ZNF558: variants seen among roughly 807,000 people sequenced by gnomAD.
ZNF558 encodes zinc finger protein 558.
Under a neutral mutation model 37.6 loss-of-function variants are expected in ZNF558, and 23 were observed. That is an observed-to-expected ratio of 0.61 (90% CI 0.44 to 0.87). The LOEUF is 0.87. Among genes scored for constraint, ZNF558 ranks in the 40% least tolerant of loss-of-function variants. ZNF558 has a pLI of 0.00. For synonymous variants in ZNF558, 189 were observed against 174.4 expected (o/e 1.08, Z -0.66); for missense variants, 429 against 483.7 (o/e 0.89, Z 1.06).
intron 9 of ZNF558, 21 bp downstream of exon 9, chr19:8,812,540 A>C (rs1300032529): frequency 6.7e-7 from 1 of 1,498,110 alleles, no homozygotes. Flanking sequence ...GAAAACCAGA[A>C]ATCACCCATG....
intron 4 of ZNF558, chr19:8,823,027 C>CT (rs2036700240): frequency 3.7e-6 from 1 of 269,474 alleles, no homozygotes. Context: ...TTCCCGGCTA[C>CT]TCCCTCCTTC....
chr19:8,821,050 A>G lies in ZNF558; in HGVS notation c.247+130T>C. On this transcript the variant is annotated intron_variant, in intron 7 of 9. Transcript: ENST00000601372. ...AATGTATGAAAAACCACTGGACTGG[A>G]TATCTTAGAATGGTTAAAAATGGTG... is the stretch of plus-strand genomic sequence containing the variant. 6 of 1,369,014 alleles carry G rather than the reference A, an allele frequency of 4.4e-6. No homozygotes were observed. The South Asian group carries it at 9.0e-5, about 21-fold the overall frequency. The allele number at this position is 1,369,014 out of a possible 1,614,324, so 84.8% of individuals were successfully genotyped here.
rs367716520 is a variant in ZNF558, at chr19:8,809,432, ATGTT to A, written c.*1845_*1848del. On this transcript the variant is annotated 3_prime_UTR_variant, in exon 10 of 10. Coordinates refer to ENST00000601372, the MANE Select transcript of ZNF558 (RefSeq NM_144693.3). ...ATTGTTCACAGACAACTTGAACAACATGTTTGTTTCTTTAAACGAATAAACTGAA... is the reference window on the plus strand; with the variant it reads ...ATTGTTCACAGACAACTTGAACAACATGTTTCTTTAAACGAATAAACTGAA... The A allele has an allele frequency of 9.7e-4, 147 of 152,328 alleles. No individual in the cohort carries two copies. Among genetic ancestry groups the A allele is most frequent in the African/African-American group, 3.5e-3 (145 of 41,578 alleles). The allele number at this position is 152,328 out of a possible 1,614,324, so 9.4% of individuals were successfully genotyped here. A position where few individuals can be genotyped will look rare whatever the true frequency, so the allele number is the denominator to read the frequency against.
chr19:8,821,683 T>G, intron 6 of ZNF558: 1 of 1,304,506 alleles, frequency 7.7e-7, no homozygotes, highest in Middle Eastern at 3.0e-4. Context: ...AGAGAAATAC[T>G]TGGTAAGTGA....
In ZNF558 at chr19:8,806,247, G is replaced by A. The variant is rs771135639; in HGVS notation, c.*5034C>T. ...AAACTATACAGGGTTGTTTTATACA[G>A]TCAGTACTGATTTATATTTACTTGC... On this transcript the variant is annotated 3_prime_UTR_variant, in exon 10 of 10. Transcript: ENST00000601372. 2.6e-5 allele frequency: 4 copies of A among 152,162 alleles called. No homozygotes were observed. The highest frequency in any genetic ancestry group is 5.9e-5 in the Non-Finnish European group (4 of 68,034). The allele number at this position is 152,162 out of a possible 1,614,324, so 9.4% of individuals were successfully genotyped here.
chr19:8,829,191 C>T (rs2967736), intron 2 of ZNF558, among the ~76,000 whole-genome samples: 12 of 151,646 alleles, frequency 7.9e-5, no homozygotes, highest in Non-Finnish European at 1.6e-4. Context: ...CCCGGGAGGC[C>T]GGGGGTTGCA....
rs75296068 is a variant in ZNF558 at position 8,824,042 on chromosome 19, C to T, written c.-66+40G>A. ...CGATCCCAGCCTCCCGGTGCTCACA[C>T]CCTGTGTAGGCCCGACGCACACACG... On this transcript the variant is annotated intron_variant, in intron 4 of 9. Transcript: ENST00000601372. The T allele has an allele frequency of 3.4e-3, 524 of 152,900 alleles. 7 individuals are homozygous for T. The highest frequency in any genetic ancestry group is 0.012 in the African/African-American group (479 of 41,580). 9.5% of individuals were successfully genotyped at this position (152,900 alleles called of 1,614,324 possible).
upstream of ZNF558, among the ~76,000 whole-genome samples, chr19:8,836,411 CCTT>C (rs1474985934): frequency 2.0e-5 from 3 of 151,188 alleles, no homozygotes; most frequent in East Asian, 3.9e-4. Context: ...TTGTCCTCCT[CCTT>C]CTTCTTTCTT....
intron 2 of ZNF558, among the ~76,000 whole-genome samples, chr19:8,830,266 T>C (rs997418248): frequency 2.0e-5 from 3 of 152,188 alleles, no homozygotes; most frequent in Non-Finnish European, 2.9e-5. Context: ...TAAACTTCTT[T>C]CCTTTGTAAG....
At chr19:8,834,183 C>A (rs1471261577), upstream of ZNF558, among the ~76,000 whole-genome samples, 1 of 152,162 alleles carries the variant, frequency 6.6e-6, no homozygotes, top group East Asian at 1.9e-4. Flanking sequence ...CAAAAATATC[C>A]ATTTTCAGGT....
chr19:8,814,209 A>G (rs1555769486), intron 7 of ZNF558, among the ~76,000 whole-genome samples: 1 of 152,262 alleles, frequency 6.6e-6, no homozygotes, highest in Non-Finnish European at 1.5e-5. Flanking sequence ...TTTTTCTACA[A>G]CCTTGAAGAC....
At chr19:8,812,530 G>C (rs533974340) in intron 9 of ZNF558, 31 bp downstream of exon 9, 2 of 1,463,976 alleles carry the variant, frequency 1.4e-6, no homozygotes, top group South Asian at 2.8e-5. Flanking sequence ...TCCTACTGTA[G>C]AAAACCAGAA....
chr19:8,822,870 A>T lies in ZNF558; in HGVS notation c.-65-146T>A. 2.7e-6 allele frequency: 2 copies of T among 727,798 alleles called. No homozygotes were observed. Among genetic ancestry groups the T allele is most frequent in the East Asian group, 5.6e-5 (2 of 35,922 alleles). The allele number at this position is 727,798 out of a possible 1,614,324, so 45.1% of individuals were successfully genotyped here. A position where few individuals can be genotyped will look rare whatever the true frequency, so the allele number is the denominator to read the frequency against. ...TGGGCCTTTATTTTGCTGAGCAGGC[A>T]ATGAATTCAGGGCCACCTGATGGAA... On this transcript the variant is annotated intron_variant, in intron 4 of 9. Coordinates refer to ENST00000601372, the MANE Select transcript of ZNF558 (RefSeq NM_144693.3). The surrounding 1 kb of genome is among the most constrained non-coding windows in gnomAD (Gnocchi z 4.4).
At chr19:8,819,794 AG>A (rs2044036014) in intron 7 of ZNF558, among the ~76,000 whole-genome samples, 1 of 152,114 alleles carries the variant, frequency 6.6e-6, no homozygotes, top group Admixed American at 6.5e-5. Context: ...AAAACAATTT[AG>A]CCAGGCATGG....
In ZNF558 at chr19:8,812,605, T is replaced by C. The variant is rs782757107; in HGVS notation, c.382A>G (p.Lys128Glu). Residue 128 changes from lysine (K) to glutamate (E), a missense_variant, in exon 9 of 10, where the codon AAG becomes GAG. Coordinates refer to ENST00000601372, the MANE Select transcript of ZNF558 (RefSeq NM_144693.3). ...TLLKAKWLTP[K>E]KNVFRKEQSK... ...TGTTCTTTTCTGAAAACATTCTTCT[T>C]AGGAGTTAACCATTTGGCTTTAAGT... The C allele has an allele frequency of 5.6e-6, 9 of 1,604,684 alleles. No homozygotes were observed. The highest frequency in any genetic ancestry group is 2.3e-5 in the South Asian group (2 of 88,520).
rs117543550 is a variant in ZNF558 at position 8,828,689 on chromosome 19, C to T, written c.-509+2629G>A. On this transcript the variant is annotated intron_variant, in intron 2 of 9. Transcript: ENST00000601372. ...TCAGAAATCCTTGCCTAGCCGGGCA[C>T]GGTGGCTCATGTCTGTAATCCCAGC... Among the ~76,000 whole-genome samples the T allele has an allele frequency of 1.8e-3, 281 of 152,266 alleles. 4 individuals carry two copies. In the East Asian group the frequency reaches 0.051, roughly 28 times the overall value.
At position 8,811,107 on chromosome 19, in the gene ZNF558, C is replaced by T. The variant is rs1222001747; in HGVS notation, c.*174G>A. On this transcript the variant is annotated 3_prime_UTR_variant, in exon 10 of 10. Coordinates refer to ENST00000601372, the MANE Select transcript of ZNF558 (RefSeq NM_144693.3). ...TACAGAGATAAGCTGTTCTTGAATT[C>T]CTGATCTGTAGAAATTGTTAGAGAA... 4 of 601,784 alleles carry T rather than the reference C, an allele frequency of 6.6e-6. No homozygotes were observed. The highest frequency in any genetic ancestry group is 5.6e-5 in the African/African-American group (3 of 53,768). The allele number at this position is 601,784 out of a possible 1,614,324, so 37.3% of individuals were successfully genotyped here.
intron 1 of ZNF558, among the ~76,000 whole-genome samples, chr19:8,831,788 A>G (rs1345339264): frequency 6.6e-6 from 1 of 152,156 alleles, no homozygotes; most frequent in African/African-American, 2.4e-5. Context: ...AAGGCCCTAG[A>G]GCAGGGTTTC....
chr19:8,812,405 ATATT>A (rs1172764794), intron 9 of ZNF558, among the ~76,000 whole-genome samples, 152 bp downstream of exon 9: 2 of 152,214 alleles, frequency 1.3e-5, no homozygotes, highest in Non-Finnish European at 2.9e-5. Flanking sequence ...ACTTCTCTAA[ATATT>A]TATAATTTTC....
Sources: gnomAD v4.1 joint callset for allele counts (sites outside exome capture counted in the v4.1 genomes callset) on GRCh38, gnomAD v4.1.1 for gene constraint, Gnocchi (gnomAD v3.1) non-coding constraint, MANE v1.5 for transcripts, NCBI Gene and HGNC (gene_info 2026-07-23, HGNC 2026-07-21) for gene names.